TPSG1: variants seen among roughly 807,000 people sequenced by gnomAD.
TPSG1 encodes the protein tryptase gamma.
In TPSG1, 43 loss-of-function variants were observed where a neutral mutation model predicts 23.8. That is an observed-to-expected ratio of 1.81 (90% CI 1.42 to 2.33). The LOEUF is 2.33. Among genes scored for constraint, TPSG1 ranks in the 30% most tolerant of loss-of-function variants. The pLI is 0.00. For missense variants in TPSG1, 623 were observed against 438.6 expected (o/e 1.42, Z -3.75); for synonymous variants, 302 against 201.3 (o/e 1.50, Z -4.23).
intron 4 of TPSG1, 113 bp from the exon 5 acceptor site, chr16:1,222,454 A>G: frequency 1.6e-6 from 2 of 1,248,424 alleles, no homozygotes. Context: ...TCGTCACGGC[A>G]CGTGGGTTGT....
chr16:1,222,029 C>T lies in TPSG1; in HGVS notation c.725G>A (p.Trp242Ter), dbSNP rs769306015. 1.6e-5 allele frequency: 26 copies of T among 1,612,792 alleles called. No homozygotes were observed. The South Asian group carries it at 1.8e-4, about 11-fold the overall frequency. Residue 242 changes from tryptophan to a stop codon, truncating the protein, a stop_gained, in exon 6 of 6, where the codon TGG becomes TAG. Transcript: ENST00000234798. LOFTEE classifies it low-confidence loss of function (END_TRUNC). ...GTTGGGGCGGCCGCAGCCCTCACCC[C>T]AGCTCACAGTGCCAGCCTGCACCCA... ...GAWVQAGTVS[W>*]GEGCGRPNRP... is the part of the protein sequence containing the mutation.
chr16:1,222,207 C>T lies in TPSG1; in HGVS notation c.646G>A (p.Asp216Asn). The change falls in exon 5 of 6, where the codon GAT (aspartate) becomes AAT (asparagine). Residue 216 changes from aspartate to asparagine, a missense_variant. Asp to Asn is a conservative substitution (Grantham distance 23). Transcript: ENST00000234798. ...PDMLCARGPG[D>N]ACQDDSGGPL... ...CCTGGCAGGCTCACCTGGCAGGCAT[C>T]CCCGGGGCCCCGGGCACACAGCATG... 1 of 1,611,360 alleles carries T rather than the reference C, an allele frequency of 6.2e-7. No homozygotes were observed. Among genetic ancestry groups the T allele is most frequent in the Non-Finnish European group, 8.5e-7 (1 of 1,179,734 alleles).
chr16:1,223,898 C>A (rs544509559), intron 2 of TPSG1: 2 of 430,876 alleles, frequency 4.6e-6, no homozygotes, highest in Non-Finnish European at 8.2e-6. Context: ...GGGCTCAGAA[C>A]GGTGGAGCCC....
At chr16:1,225,171 GCCC>G in intron 1 of TPSG1, 33 bp downstream of exon 1, 1 of 1,553,448 alleles carries the variant, frequency 6.4e-7, no homozygotes, top group Non-Finnish European at 8.7e-7. Context: ...GGAAGCAGAT[GCCC>G]CCCCATCCCC....
Position 1,223,612 on chromosome 16 carries a change from G to C in TPSG1, c.74-18C>G, listed in dbSNP as rs1428669800. 6.5e-7 allele frequency: 1 copy of C among 1,531,552 alleles called. No individual in the cohort carries two copies. Among genetic ancestry groups the C allele is most frequent in the African/African-American group, 1.4e-5 (1 of 72,156 alleles). The allele number at this position is 1,531,552 out of a possible 1,614,324, so 94.9% of individuals were successfully genotyped here. On this transcript the variant is annotated intron_variant, in intron 2 of 5. Transcript: ENST00000234798. The stretch of plus-strand genomic sequence containing the variant: ...GCCACACCCTAAGTCGAAGGAGGAA[G>C]GGGTGCCTGGTGGGGATCCCAAGAA...
chr16:1,224,668 C>T, intron 1 of TPSG1, 40 bp from the exon 2 acceptor site: 1 of 1,613,262 alleles, frequency 6.2e-7, no homozygotes, highest in Non-Finnish European at 8.5e-7. Context: ...AGGGGGCTGC[C>T]AAGGAGAGGG....
At position 1,222,281 on chromosome 16, in the gene TPSG1, G is replaced by C. The variant is rs1567564564; in HGVS notation, c.572C>G (p.Thr191Ser). The change falls in exon 5 of 6, where the codon ACC (threonine) becomes AGC (serine). Residue 191 changes from threonine to serine, a missense_variant. Physicochemically the swap from Thr to Ser is moderately conservative, Grantham distance 58. Transcript: ENST00000234798. The stretch of plus-strand genomic sequence containing the variant: ...GGGGCCGGGATAGTCCCGGCGGCAG[G>C]TCTCTGTGTCCACCACGGAGACTTT... ...EVKVSVVDTE[T>S]CRRDYPGPGG... 5.0e-6 allele frequency: 8 copies of C among 1,611,778 alleles called. No homozygotes were observed. Among genetic ancestry groups the C allele is most frequent in the Non-Finnish European group, 5.9e-6 (7 of 1,179,600 alleles).
At chr16:1,223,365 G>A in intron 3 of TPSG1, 58 bp downstream of exon 3, 3 of 1,504,760 alleles carry the variant, frequency 2.0e-6, no homozygotes, top group Non-Finnish European at 2.7e-6. Context: ...CTCTGCGCTG[G>A]CGCATGCCCC....
At chr16:1,225,171 GC>G (rs750740207) in intron 1 of TPSG1, 35 bp downstream of exon 1, 13 of 1,553,282 alleles carry the variant, frequency 8.4e-6, no homozygotes, top group Admixed American at 2.0e-5. Flanking sequence ...GGAAGCAGAT[GC>G]CCCCCCATCC....
At chr16:1,223,961 T>G in intron 2 of TPSG1, 1 of 284,196 alleles carries the variant, frequency 3.5e-6, no homozygotes, top group Non-Finnish European at 6.5e-6. Context: ...CCGGTTTTCC[T>G]TCAGGGGTGG....
chr16:1,225,203 C>G lies in TPSG1; in HGVS notation c.46+4G>C. On this transcript the variant is annotated splice_donor_region_variant and intron_variant, in intron 1 of 5. Coordinates refer to ENST00000234798, the MANE Select transcript of TPSG1 (RefSeq NM_012467.4). Reference sequence around the variant, plus strand: ...CATCCCCACACCCAGGCCAGGTCACCCACCGGGCACAGCCAGGAGCAGCAG... The same window carrying G: ...CATCCCCACACCCAGGCCAGGTCACGCACCGGGCACAGCCAGGAGCAGCAG... 1.3e-6 allele frequency: 2 copies of G among 1,574,798 alleles called. No individual in the cohort carries two copies. The highest frequency in any genetic ancestry group is 1.7e-6 in the Non-Finnish European group (2 of 1,160,480).
chr16:1,224,754 C>A, intron 1 of TPSG1, 126 bp from the exon 2 acceptor site: 1 of 1,219,882 alleles, frequency 8.2e-7, no homozygotes, highest in South Asian at 1.3e-5. Flanking sequence ...CAGAGGGGCC[C>A]GGCCTGGTGA....
At chr16:1,224,069 C>A (rs1001440737) in intron 2 of TPSG1, 6 of 196,544 alleles carry the variant, frequency 3.1e-5, no homozygotes, top group Non-Finnish European at 6.1e-5. Flanking sequence ...GATAATGTAA[C>A]TTTATCTTCT....
intron 3 of TPSG1, 43 bp downstream of exon 3, chr16:1,223,380 G>T (rs2029939166): frequency 1.3e-6 from 2 of 1,531,068 alleles, no homozygotes; most frequent in African/African-American, 1.4e-5. Flanking sequence ...TGCCCCACTG[G>T]GGCCTGGACA....
chr16:1,223,286 C>A, intron 3 of TPSG1, 137 bp downstream of exon 3: 1 of 1,188,478 alleles, frequency 8.4e-7, no homozygotes, highest in Non-Finnish European at 1.1e-6. Context: ...ACCAGCTCCT[C>A]CCTTTCCATT....
Position 1,221,948 on chromosome 16 carries a change from A to G in TPSG1, c.806T>C (p.Ile269Thr). Residue 269 changes from isoleucine to threonine, a missense_variant, in exon 6 of 6, where the codon ATC becomes ACC. Ile to Thr is a moderately conservative substitution (Grantham distance 89, BLOSUM62 -1). Transcript: ENST00000234798. ...PAYVNWIRRHITASGGSESGY... is the reference protein window; with the variant it reads ...PAYVNWIRRHTTASGGSESGY... Reference sequence around the variant, plus strand: ...AGACTCTGAGCCCCCTGATGCTGTGATGTGGCGGCGGATCCAGTTCACGTA... The same window carrying G: ...AGACTCTGAGCCCCCTGATGCTGTGGTGTGGCGGCGGATCCAGTTCACGTA... 6.2e-7 allele frequency: 1 copy of G among 1,612,020 alleles called. No homozygotes were observed.
Position 1,224,634 on chromosome 16 carries a change from G to C in TPSG1, c.47-6C>G. The C allele has an allele frequency of 6.2e-7, 1 of 1,613,822 alleles. No homozygotes were observed. Among genetic ancestry groups the C allele is most frequent in the Non-Finnish European group, 8.5e-7 (1 of 1,179,882 alleles). ...CAAAGTCCTGAGGGACACACCTGTGGGAAAGACGAAGGGCCCAGGATGGAG... is the reference window on the plus strand; with the variant it reads ...CAAAGTCCTGAGGGACACACCTGTGCGAAAGACGAAGGGCCCAGGATGGAG... On this transcript the variant is annotated splice_polypyrimidine_tract_variant and splice_region_variant and intron_variant, in intron 1 of 5. Transcript: ENST00000234798.
chr16:1,223,871 C>G lies in TPSG1; in HGVS notation c.74-277G>C, dbSNP rs908533742. 1.0e-5 allele frequency: 5 copies of G among 490,556 alleles called. No individual in the cohort carries two copies. In the African/African-American group the frequency reaches 1.0e-4, roughly 10 times the overall value. 30.4% of individuals were successfully genotyped at this position (490,556 alleles called of 1,614,324 possible). A position where few individuals can be genotyped will look rare whatever the true frequency, so the allele number is the denominator to read the frequency against. ...GGCGGTGGAAAGGCTGCAGAGGGCC[C>G]CTAGGCGGCTAGAAAGGGGCTCAGA... On this transcript the variant is annotated intron_variant, in intron 2 of 5. Coordinates refer to ENST00000234798, the MANE Select transcript of TPSG1 (RefSeq NM_012467.4).
chr16:1,224,501 G>A (rs562804326), intron 2 of TPSG1, 101 bp downstream of exon 2: 33 of 1,495,262 alleles, frequency 2.2e-5, no homozygotes, highest in South Asian at 1.2e-4. Flanking sequence ...TGACCTCCCC[G>A]GGCCCCCATT....
Sources: allele counts gnomAD v4.1 joint callset, GRCh38; gene constraint gnomAD v4.1.1; transcripts MANE v1.5; gene names NCBI Gene and HGNC (gene_info 2026-07-23, HGNC 2026-07-21).